Variants in IMMP2L observed in about 807,000 individuals in gnomAD.
The protein encoded by IMMP2L is mitochondrial inner membrane protease subunit 2.
In IMMP2L, 18 loss-of-function variants were observed where a neutral mutation model predicts 19.3. That is an observed-to-expected ratio of 0.93 (90% CI 0.64 to 1.38). The LOEUF (loss-of-function observed/expected upper bound fraction) is 1.38, where lower values mean the gene tolerates loss of function less well. Among genes scored for constraint, IMMP2L ranks in the 40% most tolerant of loss-of-function variants. The probability of loss-of-function intolerance (pLI) is 0.00; values close to 1 mark genes in which losing one functional copy is unlikely to be tolerated. For synonymous variants in IMMP2L, 76 were observed against 73.0 expected, an observed-to-expected ratio of 1.04 and a Z score of -0.21; for missense variants, 233 against 218.2, an observed-to-expected ratio of 1.07 and a Z score of -0.43.
chr7:111,420,663 T>C (rs944769704), intron 3 of IMMP2L, among the ~76,000 whole-genome samples: 6 of 150,124 alleles, frequency 4.0e-5, no homozygotes, highest in African/African-American at 1.5e-4. Flanking sequence ...GGTGTCTGGT[T>C]TTCTGTCCTT....
At position 111,048,229 on chromosome 7, in the gene IMMP2L, ACT is replaced by A. The variant is rs533391448; in HGVS notation, c.240-84666_240-84665del. Among the ~76,000 whole-genome samples, 312 of 96,482 alleles carry A rather than the reference ACT, an allele frequency of 3.2e-3. 3 individuals are homozygous for A. The Middle Eastern group carries it at 0.033, about 10-fold the overall frequency. 63.3% of individuals were successfully genotyped at this position (96,482 alleles called of 152,430 possible). On this transcript the variant is annotated intron_variant, in intron 3 of 5. Coordinates refer to ENST00000405709, the MANE Select transcript of IMMP2L (RefSeq NM_032549.4). ...CACTCCAGCTGGGCGACAGAGCGAG[ACT>A]CTGTCTCAAAAAAAAAAAAAAAAAA...
chr7:110,784,008 G>A (rs947785905), intron 5 of IMMP2L, among the ~76,000 whole-genome samples: 3 of 151,672 alleles, frequency 2.0e-5, no homozygotes, highest in African/African-American at 7.3e-5. Context: ...GTCTTTTATG[G>A]CACAAATAAA....
At position 110,870,732 on chromosome 7, in the gene IMMP2L, T is replaced by C. The variant is rs1309636101; in HGVS notation, c.408+15861A>G. Among the ~76,000 whole-genome samples, 2 of 151,996 alleles carry C rather than the reference T, an allele frequency of 1.3e-5. No homozygotes were observed. The highest frequency in any genetic ancestry group is 1.5e-5 in the Non-Finnish European group (1 of 67,984). On this transcript the variant is annotated intron_variant, in intron 5 of 5. Transcript: ENST00000405709. The surrounding 1 kb of genome is among the most constrained non-coding windows in gnomAD (Gnocchi z 4.2). Reference sequence around the variant, plus strand: ...TTCACCTGTTCAAAGAATGGAAAGATCAGAGAGGTGCAAGCACGGAAAGGG... The same window carrying C: ...TTCACCTGTTCAAAGAATGGAAAGACCAGAGAGGTGCAAGCACGGAAAGGG...
intron 5 of IMMP2L, among the ~76,000 whole-genome samples, chr7:110,696,806 A>G (rs988503146): frequency 6.6e-6 from 1 of 152,160 alleles, no homozygotes; most frequent in Non-Finnish European, 1.5e-5. Flanking sequence ...AGTAGAAGAC[A>G]AAGAGAATAA....
chr7:111,384,328 G>A (rs969001341), intron 3 of IMMP2L, among the ~76,000 whole-genome samples: 1 of 151,576 alleles, frequency 6.6e-6, no homozygotes, highest in Admixed American at 6.6e-5. Flanking sequence ...AGAAGGAGGA[G>A]GGAGGAGGAG....
chr7:111,145,173 TATACTC>T (rs1287958549), intron 3 of IMMP2L, among the ~76,000 whole-genome samples: 2 of 152,040 alleles, frequency 1.3e-5, no homozygotes, highest in Non-Finnish European at 2.9e-5. Flanking sequence ...ACTGAAGACA[TATACTC>T]ATGCAAGTAT....
chr7:110,990,743 G>A (rs575204438), intron 3 of IMMP2L, among the ~76,000 whole-genome samples: 1 of 152,022 alleles, frequency 6.6e-6, no homozygotes, highest in Non-Finnish European at 1.5e-5. Flanking sequence ...CACCAGGATT[G>A]GCTTTTAAAA....
At chr7:110,880,015 A>G (rs1254496062) in intron 5 of IMMP2L, among the ~76,000 whole-genome samples, 1 of 152,146 alleles carries the variant, frequency 6.6e-6, no homozygotes, top group Non-Finnish European at 1.5e-5. Context: ...GAGTCATATT[A>G]CAAAAATAAC....
intron 3 of IMMP2L, among the ~76,000 whole-genome samples, chr7:111,383,863 T>C (rs1483329016): frequency 1.3e-5 from 2 of 152,162 alleles, no homozygotes; most frequent in East Asian, 1.9e-4. Context: ...TCAGTTTATA[T>C]GTCACCTTAT....
At chr7:110,841,943 T>C (rs2131454498) in intron 5 of IMMP2L, among the ~76,000 whole-genome samples, 1 of 152,264 alleles carries the variant, frequency 6.6e-6, no homozygotes, top group East Asian at 1.9e-4. Flanking sequence ...AAATCTCAAA[T>C]TTATAAAGTA....
rs988248760 is a variant in IMMP2L at position 110,843,278 on chromosome 7, C to G, written c.408+43315G>C. 2.6e-4 allele frequency among the ~76,000 whole-genome samples: 40 copies of G among 152,114 alleles called. 1 individual carries two copies. The highest frequency in any genetic ancestry group is 2.6e-3 in the Admixed American group (40 of 15,260). On this transcript the variant is annotated intron_variant, in intron 5 of 5. Coordinates refer to ENST00000405709, the MANE Select transcript of IMMP2L (RefSeq NM_032549.4). ...TAAGCAAATAGAAGCTTAATTTCAA[C>G]TTTGTTGGCAAAAAAAGATGAAGAA...
At chr7:111,341,647 C>G (rs546558208) in intron 3 of IMMP2L, among the ~76,000 whole-genome samples, 2 of 152,194 alleles carry the variant, frequency 1.3e-5, no homozygotes, top group East Asian at 1.9e-4. Context: ...TTAAACATAT[C>G]CTTGAAACCA....
chr7:110,784,528 T>C (rs1799944210), intron 5 of IMMP2L, among the ~76,000 whole-genome samples: 1 of 151,980 alleles, frequency 6.6e-6, no homozygotes, highest in African/African-American at 2.4e-5. Flanking sequence ...ATCTATCATA[T>C]TTCCCTCTAA....
At chr7:111,402,463 C>T (rs775914253) in intron 3 of IMMP2L, among the ~76,000 whole-genome samples, 3 of 152,038 alleles carry the variant, frequency 2.0e-5, no homozygotes, top group Non-Finnish European at 4.4e-5. Context: ...GCAATCCCAG[C>T]ACTTTGGGAG....
At chr7:111,059,252 G>A (rs768439439) in intron 3 of IMMP2L, among the ~76,000 whole-genome samples, 1 of 152,164 alleles carries the variant, frequency 6.6e-6, no homozygotes, top group Non-Finnish European at 1.5e-5. Flanking sequence ...AAAGCACAGG[G>A]ATTACAGGCA....
At chr7:111,192,364 ATG>A (rs1385740884) in intron 3 of IMMP2L, among the ~76,000 whole-genome samples, 1 of 152,162 alleles carries the variant, frequency 6.6e-6, no homozygotes, top group Non-Finnish European at 1.5e-5. Context: ...TAAAAATATC[ATG>A]TGTCAATTAG....
intron 5 of IMMP2L, among the ~76,000 whole-genome samples, chr7:110,772,171 T>G (rs1799084749): frequency 6.6e-6 from 1 of 152,094 alleles, no homozygotes; most frequent in South Asian, 2.1e-4. Context: ...GGAATAAATC[T>G]TCCCAATGCT....
At position 110,746,588 on chromosome 7, in the gene IMMP2L, A is replaced by G. The variant is rs186588890; in HGVS notation, c.409-82867T>C. On this transcript the variant is annotated intron_variant, in intron 5 of 5. Coordinates refer to ENST00000405709, the MANE Select transcript of IMMP2L (RefSeq NM_032549.4). ...CAGTGCAATCAAATTAGAACTCAGG[A>G]TTAAGAAACTCACTCAAAACTGCAC... is the stretch of plus-strand genomic sequence containing the variant. 1.3e-4 allele frequency among the ~76,000 whole-genome samples: 20 copies of G among 152,354 alleles called. No homozygotes were observed. In the East Asian group the frequency reaches 3.9e-3, roughly 29 times the overall value.
At chr7:111,415,639 T>C (rs1279580549) in intron 3 of IMMP2L, among the ~76,000 whole-genome samples, 1 of 151,818 alleles carries the variant, frequency 6.6e-6, no homozygotes, top group African/African-American at 2.4e-5. Flanking sequence ...TGCATATAGT[T>C]GGCATTTGAT....
Sources: allele counts gnomAD v4.1 joint callset (sites outside exome capture counted in the v4.1 genomes callset), GRCh38; gene constraint gnomAD v4.1.1; non-coding constraint Gnocchi (gnomAD v3.1); transcripts MANE v1.5; gene names NCBI Gene and HGNC (gene_info 2026-07-23, HGNC 2026-07-21).